The following MAF variants were observed in gnomAD, a reference collection of about 807,000 sequenced individuals.
MAF encodes transcription factor Maf.
MAF carries 10 observed loss-of-function variants against 22.0 expected under a neutral mutation model. The ratio of observed to expected loss-of-function variants is 0.45; its 90% CI spans 0.28 to 0.77. The LOEUF (loss-of-function observed/expected upper bound fraction) is 0.77. MAF is among the 30% of genes least tolerant of loss of function. The pLI is 0.12. For synonymous variants in MAF, 337 were observed against 255.8 expected, an observed-to-expected ratio of 1.32 and a Z score of -3.03; for missense variants, 544 against 548.4, an observed-to-expected ratio of 0.99 and a Z score of 0.08.
At chr16:79,524,215 G>A in the MAF span, among the ~76,000 whole-genome samples, 1 of 152,196 alleles carries the variant, frequency 6.6e-6, no homozygotes, top group African/African-American at 2.4e-5. Flanking sequence ...GGCCTGGAAA[G>A]AGATCTAAAC....
At chr16:79,376,357 G>A in the MAF span, among the ~76,000 whole-genome samples, 2 of 151,820 alleles carry the variant, frequency 1.3e-5, no homozygotes, top group Non-Finnish European at 2.9e-5. Flanking sequence ...TTTAATAAAT[G>A]GAGTTTCATT....
chr16:79,265,972 C>A, the MAF span, among the ~76,000 whole-genome samples: 1 of 152,176 alleles, frequency 6.6e-6, no homozygotes, highest in Non-Finnish European at 1.5e-5. Context: ...GAGAATTCAA[C>A]TTTTCTTTTT....
At chr16:79,357,228 C>T in the MAF span, among the ~76,000 whole-genome samples, 5 of 150,216 alleles carry the variant, frequency 3.3e-5, no homozygotes, top group East Asian at 2.0e-4. Context: ...TGCACTCCAG[C>T]CTGGGCAACA....
At chr16:79,467,138 T>C in the MAF span, among the ~76,000 whole-genome samples, 1 of 152,172 alleles carries the variant, frequency 6.6e-6, no homozygotes, top group African/African-American at 2.4e-5. Context: ...ATCAAACCCC[T>C]TACAGTGGCC....
chr16:79,227,359 A>C, the MAF span, among the ~76,000 whole-genome samples: 1 of 152,052 alleles, frequency 6.6e-6, no homozygotes, highest in South Asian at 2.1e-4. Context: ...TCACACAAAC[A>C]AACAAACAAA....
chr16:79,554,860 A>C, the MAF span, among the ~76,000 whole-genome samples: 1 of 151,940 alleles, frequency 6.6e-6, no homozygotes, highest in African/African-American at 2.4e-5. Context: ...ATTCTGCGTG[A>C]TTTTTCCTGT....
chr16:79,409,369 C>G, the MAF span, among the ~76,000 whole-genome samples: 1 of 152,270 alleles, frequency 6.6e-6, no homozygotes, highest in East Asian at 1.9e-4. Context: ...TAGCTCTGTC[C>G]TTATTCTGCA....
chr16:79,595,687 C>G, intron 1 of MAF: 2 of 1,057,924 alleles, frequency 1.9e-6, no homozygotes, highest in Non-Finnish European at 2.3e-6. Flanking sequence ...GGGGTAAATA[C>G]CAGTAAATCA....
the MAF span, among the ~76,000 whole-genome samples, chr16:79,491,622 T>C: frequency 6.6e-6 from 1 of 152,140 alleles, no homozygotes; most frequent in Admixed American, 6.5e-5. Context: ...GCACTGCTGC[T>C]ATGCCCAGAA....
At chr16:79,598,609 TGGTGTGTGC>T in intron 1 of MAF, 167 bp downstream of exon 1, 1 of 1,433,114 alleles carries the variant, frequency 7.0e-7, no homozygotes, top group Non-Finnish European at 9.2e-7. Context: ...TGTGTGTGTG[TGGTGTGTGC>T]GTGCGGGTTT....
the MAF span, among the ~76,000 whole-genome samples, chr16:79,336,470 G>A: frequency 6.6e-6 from 1 of 152,104 alleles, no homozygotes; most frequent in African/African-American, 2.4e-5. Flanking sequence ...AGGGATGCTG[G>A]GAGGAAAACA....
the MAF span, among the ~76,000 whole-genome samples, chr16:79,524,689 T>G: frequency 1.3e-5 from 2 of 152,216 alleles, no homozygotes; most frequent in Non-Finnish European, 2.9e-5. Flanking sequence ...AACACATTAT[T>G]TTTCACTGGC....
At chr16:79,542,674 T>C in the MAF span, among the ~76,000 whole-genome samples, 1 of 152,300 alleles carries the variant, frequency 6.6e-6, no homozygotes, top group East Asian at 1.9e-4. Context: ...GCTTGGACTT[T>C]CTGGGGCTCG....
chr16:79,228,090 A>G, the MAF span, among the ~76,000 whole-genome samples: 446 of 152,122 alleles, frequency 2.9e-3, 9 homozygotes, highest in Admixed American at 0.023. Context: ...TTTTGTAGAG[A>G]TAAGGTCTTG....
the MAF span, chr16:79,206,350 A>G: frequency 9.2e-5 from 14 of 152,238 alleles, no homozygotes; most frequent in African/African-American, 2.7e-4. Context: ...AGCAGGTTTC[A>G]TGTACCAACG....
chr16:79,210,289 G>A, the MAF span, among the ~76,000 whole-genome samples: 26,210 of 152,038 alleles, frequency 0.17, 2,492 homozygotes, highest in East Asian at 0.31. Flanking sequence ...GATTCTTCAC[G>A]TCGTAACACC....
At chr16:79,565,829 G>C in the MAF span, among the ~76,000 whole-genome samples, 1 of 152,166 alleles carries the variant, frequency 6.6e-6, no homozygotes, top group Non-Finnish European at 1.5e-5. Flanking sequence ...CCTATACTGA[G>C]AGCACTATTC....
chr16:79,526,967 A>T, the MAF span, among the ~76,000 whole-genome samples: 2 of 152,198 alleles, frequency 1.3e-5, no homozygotes, highest in Non-Finnish European at 2.9e-5. Context: ...ATATAATTTA[A>T]TTTTTAATAA....
chr16:79,538,128 A>T, the MAF span, among the ~76,000 whole-genome samples: 1 of 152,244 alleles, frequency 6.6e-6, no homozygotes, highest in Non-Finnish European at 1.5e-5. Flanking sequence ...CAATTTTGAA[A>T]AAGAAGAATG....
Sources: allele counts gnomAD v4.1 joint callset (sites outside exome capture counted in the v4.1 genomes callset), GRCh38; gene constraint gnomAD v4.1.1; transcripts MANE v1.5; gene names NCBI Gene and HGNC (gene_info 2026-07-23, HGNC 2026-07-21).